The following ERGIC1 variants were observed in gnomAD, a reference collection of about 807,000 sequenced individuals.
The protein encoded by ERGIC1 is endoplasmic reticulum-golgi intermediate compartment 1, also known as endoplasmic reticulum-Golgi intermediate compartment protein 1.
Under a neutral mutation model 38.3 loss-of-function variants are expected in ERGIC1, and 19 were observed. The ratio of observed to expected loss-of-function variants is 0.50; its 90% CI spans 0.35 to 0.73. The LOEUF (loss-of-function observed/expected upper bound fraction) is 0.73. Among genes scored for constraint, ERGIC1 ranks in the 30% least tolerant of loss-of-function variants. The pLI, the probability that ERGIC1 is intolerant of heterozygous loss-of-function variation, is 0.01. For missense variants in ERGIC1, 294 were observed against 389.2 expected, an observed-to-expected ratio of 0.76 and a Z score of 2.06; for synonymous variants, 124 against 157.6, an observed-to-expected ratio of 0.79 and a Z score of 1.60.
chr5:172,879,146 A>G (rs1472661873), intron 1 of ERGIC1, among the ~76,000 whole-genome samples: 2 of 152,230 alleles, frequency 1.3e-5, no homozygotes, highest in African/African-American at 2.4e-5. Flanking sequence ...CTGCAAGAAC[A>G]GGGGAGAACT....
chr5:172,906,658 T>G (rs1396050060), intron 3 of ERGIC1, among the ~76,000 whole-genome samples: 1 of 152,176 alleles, frequency 6.6e-6, no homozygotes, highest in Admixed American at 6.5e-5. Flanking sequence ...GATGTGGCCA[T>G]TTACAAAGCT....
chr5:172,910,028 C>T (rs960641608), intron 4 of ERGIC1, among the ~76,000 whole-genome samples: 2 of 152,126 alleles, frequency 1.3e-5, no homozygotes, highest in Admixed American at 6.5e-5. Context: ...GTTACAGCTT[C>T]GCAGCAGAGC....
chr5:172,877,455 TA>T lies in ERGIC1; in HGVS notation c.21-11243del, dbSNP rs1209657311. ...GTGTGTGTGTGTATATATATATATATATATTTTTTTTTTTTTTTTTTGAGAT... is the reference window on the plus strand; with the variant it reads ...GTGTGTGTGTGTATATATATATATATTATTTTTTTTTTTTTTTTTTGAGAT... On this transcript the variant is annotated intron_variant, in intron 1 of 9. Transcript: ENST00000393784. Among the ~76,000 whole-genome samples, 254 of 123,532 alleles carry T rather than the reference TA, an allele frequency of 2.1e-3. 2 individuals carry two copies. Among genetic ancestry groups the T allele is most frequent in the African/African-American group, 5.6e-3 (187 of 33,110 alleles). The allele number at this position is 123,532 out of a possible 152,430, so 81.0% of individuals were successfully genotyped here. A position where few individuals can be genotyped will look rare whatever the true frequency, so the allele number is the denominator to read the frequency against.
chr5:172,940,374 CAG>C (rs1763983871), intron 9 of ERGIC1, among the ~76,000 whole-genome samples: 2 of 152,108 alleles, frequency 1.3e-5, no homozygotes, highest in South Asian at 4.1e-4. Context: ...AGGGAATAAA[CAG>C]ATTGTGTTTG....
intron 2 of ERGIC1, among the ~76,000 whole-genome samples, chr5:172,896,573 T>C (rs1762728032): frequency 6.6e-6 from 1 of 151,882 alleles, no homozygotes; most frequent in Non-Finnish European, 1.5e-5. Context: ...GGAACAAGGG[T>C]GAGATGTTCT....
chr5:172,897,694 T>C (rs572802022), intron 3 of ERGIC1: 6 of 411,478 alleles, frequency 1.5e-5, no homozygotes, highest in East Asian at 3.6e-5. Context: ...GGGCTTTTTT[T>C]CCCTCTGAAT....
chr5:172,909,546 C>A, intron 3 of ERGIC1, 121 bp from the exon 4 acceptor site: 1 of 857,808 alleles, frequency 1.2e-6, no homozygotes, highest in Non-Finnish European at 1.9e-6. Flanking sequence ...CAGGCTCTGC[C>A]CAGGTGGAGT....
intron 1 of ERGIC1, among the ~76,000 whole-genome samples, chr5:172,875,431 C>G (rs1447930348): frequency 6.6e-6 from 1 of 152,106 alleles, no homozygotes; most frequent in Non-Finnish European, 1.5e-5. Context: ...ATGTGTGACC[C>G]TTTGATTATA....
At chr5:172,839,098 G>A (rs1396327345) in intron 1 of ERGIC1, among the ~76,000 whole-genome samples, 2 of 151,720 alleles carry the variant, frequency 1.3e-5, no homozygotes, top group South Asian at 2.1e-4. Context: ...AAAATCAGCC[G>A]GGCTTGATGG....
chr5:172,921,332 G>A (rs560651929), intron 5 of ERGIC1, among the ~76,000 whole-genome samples: 3 of 152,318 alleles, frequency 2.0e-5, no homozygotes, highest in South Asian at 2.1e-4. Context: ...ATCTTGCCAC[G>A]CCTTTGTTTC....
intron 6 of ERGIC1, among the ~76,000 whole-genome samples, chr5:172,925,583 C>T (rs1763632890): frequency 1.3e-5 from 2 of 152,160 alleles, no homozygotes; most frequent in African/African-American, 4.8e-5. Flanking sequence ...AATCATGTCC[C>T]CACGTACCTC....
At chr5:172,873,706 G>A (rs1374840658) in intron 1 of ERGIC1, among the ~76,000 whole-genome samples, 7 of 152,228 alleles carry the variant, frequency 4.6e-5, no homozygotes, top group Non-Finnish European at 5.9e-5. Context: ...TTAGCTGTGT[G>A]AGCTTAGGCA....
At position 172,888,066 on chromosome 5, in the gene ERGIC1, A is replaced by G. The variant is rs61128960; in HGVS notation, c.21-633A>G. ...TACATTCCATAATTATCCAGTGCCT[A>G]CTCTGCACCAGGCCCATGCTAGGGT... On this transcript the variant is annotated intron_variant, in intron 1 of 9. Coordinates refer to ENST00000393784, the MANE Select transcript of ERGIC1 (RefSeq NM_001031711.3). Among the ~76,000 whole-genome samples the G allele has an allele frequency of 8.9e-3, 1,358 of 152,248 alleles. 17 individuals are homozygous for G. Among genetic ancestry groups the G allele is most frequent in the African/African-American group, 0.031 (1,274 of 41,562 alleles).
chr5:172,856,442 C>G (rs990454495), intron 1 of ERGIC1, among the ~76,000 whole-genome samples: 1 of 152,028 alleles, frequency 6.6e-6, no homozygotes, highest in Non-Finnish European at 1.5e-5. Flanking sequence ...AGGAGGGACA[C>G]TTGAGAGATG....
chr5:172,934,968 T>G (rs1763855626), intron 8 of ERGIC1: 4 of 577,810 alleles, frequency 6.9e-6, no homozygotes, highest in Admixed American at 3.0e-5. Context: ...TTGGTCAATT[T>G]CTAAACAACC....
intron 1 of ERGIC1, among the ~76,000 whole-genome samples, chr5:172,838,229 G>A (rs1561696077): frequency 6.6e-6 from 1 of 152,214 alleles, no homozygotes; most frequent in Admixed American, 6.5e-5. Context: ...TGCAATGCAG[G>A]ATGAGGCCCA....
chr5:172,844,854 A>G (rs1317039126), intron 1 of ERGIC1, among the ~76,000 whole-genome samples: 1 of 152,134 alleles, frequency 6.6e-6, no homozygotes, highest in African/African-American at 2.4e-5. Context: ...ACATCCTTCA[A>G]TACCTTCGTC....
At chr5:172,896,863 G>A in intron 2 of ERGIC1, 139 bp from the exon 3 acceptor site, 2 of 727,010 alleles carry the variant, frequency 2.8e-6, no homozygotes, top group Non-Finnish European at 4.6e-6. Context: ...TGAGGCTCGA[G>A]TCAGAAGGGG....
rs1762014883 is a variant in ERGIC1 at position 172,871,707 on chromosome 5, A to G, written c.21-16992A>G. Among the ~76,000 whole-genome samples the G allele has an allele frequency of 1.3e-5, 2 of 152,210 alleles. 1 individual carries two copies. Among genetic ancestry groups the G allele is most frequent in the South Asian group, 4.1e-4 (2 of 4,830 alleles). ...GAGAGAGAGGGGGTGATGCAGACAG[A>G]TGGCACCAAGCTGGAATAGCAGTGG... is the stretch of plus-strand genomic sequence containing the variant. On this transcript the variant is annotated intron_variant, in intron 1 of 9. Coordinates refer to ENST00000393784, the MANE Select transcript of ERGIC1 (RefSeq NM_001031711.3).
Sources: gnomAD v4.1 joint callset for allele counts (sites outside exome capture counted in the v4.1 genomes callset) on GRCh38, gnomAD v4.1.1 for gene constraint, MANE v1.5 for transcripts, NCBI Gene and HGNC (gene_info 2026-07-23, HGNC 2026-07-21) for gene names.